Variants in FBXL17 observed in about 807,000 individuals in gnomAD.
FBXL17 encodes F-box/LRR-repeat protein 17.
In FBXL17, 22 loss-of-function variants were observed where a neutral mutation model predicts 66.2. The ratio of observed to expected loss-of-function variants is 0.33; its 90% CI spans 0.24 to 0.47. FBXL17 has a LOEUF of 0.47. Among genes scored for constraint, FBXL17 ranks in the 20% least tolerant of loss-of-function variants. FBXL17 has a pLI of 1.00. For missense variants in FBXL17, 878 were observed against 948.2 expected (o/e 0.93, Z 0.97); for synonymous variants, 474 against 400.5 (o/e 1.18, Z -2.19).
At chr5:108,365,757 TG>T (rs1192278090) in intron 2 of FBXL17, among the ~76,000 whole-genome samples, 1 of 152,092 alleles carries the variant, frequency 6.6e-6, no homozygotes, top group Non-Finnish European at 1.5e-5. Flanking sequence ...GTGATACCTC[TG>T]GGAGTTAGTT....
At chr5:108,310,593 CAAT>C (rs1420960200) in intron 4 of FBXL17, among the ~76,000 whole-genome samples, 2 of 152,032 alleles carry the variant, frequency 1.3e-5, no homozygotes, top group Non-Finnish European at 2.9e-5. Flanking sequence ...ACTTATATAA[CAAT>C]TATTTTCAAT....
At chr5:108,139,994 AC>A (rs1191311768) in intron 6 of FBXL17, among the ~76,000 whole-genome samples, 3 of 152,122 alleles carry the variant, frequency 2.0e-5, no homozygotes, top group African/African-American at 7.2e-5. Context: ...GAAAGACTAA[AC>A]AAAGTGAAAC....
intron 7 of FBXL17, among the ~76,000 whole-genome samples, chr5:107,902,747 G>C (rs1212683514): frequency 6.6e-6 from 1 of 151,370 alleles, no homozygotes; most frequent in African/African-American, 2.4e-5. Flanking sequence ...TTCTTATTAT[G>C]GAAATTTAAA....
At chr5:107,878,778 T>G in intron 8 of FBXL17, 1 of 985,476 alleles carries the variant, frequency 1.0e-6, no homozygotes, top group African/African-American at 1.7e-5. Context: ...GGAACTGTCT[T>G]CCATCCTCAC....
At chr5:108,222,672 C>CTT (rs34291617) in intron 5 of FBXL17, among the ~76,000 whole-genome samples, 1,263 of 117,332 alleles carry the variant, frequency 0.011, 42 homozygotes, top group African/African-American at 0.025. Context: ...ACTATGGCAT[C>CTT]TTTTTTTTTT....
Position 108,113,362 on chromosome 5 carries a change from T to A in FBXL17, c.1745+72755A>T, listed in dbSNP as rs182746219. Among the ~76,000 whole-genome samples, 282 of 152,328 alleles carry A rather than the reference T, an allele frequency of 1.9e-3. 1 individual carries two copies. Among genetic ancestry groups the A allele is most frequent in the Middle Eastern group, 3.4e-3 (1 of 294 alleles). ...TAATATGCAAGAGAGATAGATGCTATGCTAAGCTTGCATTATGTGTATATA... is the reference window on the plus strand; with the variant it reads ...TAATATGCAAGAGAGATAGATGCTAAGCTAAGCTTGCATTATGTGTATATA... On this transcript the variant is annotated intron_variant, in intron 6 of 8. Transcript: ENST00000542267.
intron 6 of FBXL17, among the ~76,000 whole-genome samples, chr5:108,134,021 A>G (rs1751038279): frequency 6.6e-6 from 1 of 152,158 alleles, no homozygotes; most frequent in Non-Finnish European, 1.5e-5. Flanking sequence ...AAGGTTAAAC[A>G]TTGGCTGTCC....
At chr5:108,196,837 A>G (rs1580596771) in intron 5 of FBXL17, among the ~76,000 whole-genome samples, 2 of 152,332 alleles carry the variant, frequency 1.3e-5, no homozygotes, top group East Asian at 3.9e-4. Flanking sequence ...TCAGAACAAG[A>G]AGCATAATGA....
At chr5:108,163,920 G>A (rs368807778) in intron 6 of FBXL17, among the ~76,000 whole-genome samples, 1 of 152,056 alleles carries the variant, frequency 6.6e-6, no homozygotes, top group East Asian at 1.9e-4. Flanking sequence ...TTATCTTAAC[G>A]CAACATGCTA....
chr5:107,981,905 T>C (rs1752845900), intron 7 of FBXL17, among the ~76,000 whole-genome samples: 1 of 152,182 alleles, frequency 6.6e-6, no homozygotes, highest in Non-Finnish European at 1.5e-5. Flanking sequence ...TGCCTCCCTA[T>C]GGATAAAACC....
In FBXL17 at chr5:108,381,412, C is replaced by T; in HGVS notation, c.280G>A (p.Ala94Thr). Residue 94 changes from alanine to threonine, a missense_variant, in exon 1 of 9, where the codon GCC becomes ACC. Ala to Thr is a moderately conservative substitution (Grantham distance 58). Coordinates refer to ENST00000542267, the MANE Select transcript of FBXL17 (RefSeq NM_001163315.3). ...PPPRDGAYAA[A>T]SSSQHLARRY... ...CGCGCCAGGTGCTGAGAGGAGGAGGCGGCAGCGTAGGCCCCGTCCCGCGGC... is the reference window on the plus strand; with the variant it reads ...CGCGCCAGGTGCTGAGAGGAGGAGGTGGCAGCGTAGGCCCCGTCCCGCGGC... The T allele has an allele frequency of 2.3e-6, 3 of 1,324,226 alleles. No homozygotes were observed. The highest frequency in any genetic ancestry group is 1.5e-5 in the African/African-American group (1 of 64,722). 82.0% of individuals were successfully genotyped at this position (1,324,226 alleles called of 1,614,324 possible).
chr5:108,069,352 A>G (rs908245187), intron 6 of FBXL17, among the ~76,000 whole-genome samples: 8 of 152,328 alleles, frequency 5.3e-5, no homozygotes, highest in Admixed American at 2.0e-4. Flanking sequence ...TAGAATACAT[A>G]TTTTATTTTA....
At chr5:108,090,525 T>A (rs1176190653) in intron 6 of FBXL17, among the ~76,000 whole-genome samples, 1 of 152,166 alleles carries the variant, frequency 6.6e-6, no homozygotes, top group East Asian at 1.9e-4. Flanking sequence ...TTGCAGGCTA[T>A]ATGGTCTCTA....
intron 6 of FBXL17, among the ~76,000 whole-genome samples, chr5:108,075,728 C>T (rs915203658): frequency 5.9e-5 from 9 of 152,164 alleles, no homozygotes; most frequent in Middle Eastern, 3.2e-3. Context: ...CTGCCCGCCT[C>T]GGCCTCCCAA....
In FBXL17 at chr5:108,183,285, C is replaced by T. The variant is rs1481334694; in HGVS notation, c.1745+2832G>A. ...CAATCTCTTGACCTTGTGATCTGCC[C>T]GCCTCAGCCTCCCAAAGTGCTAGGC... On this transcript the variant is annotated intron_variant, in intron 6 of 8. Transcript: ENST00000542267. 5.3e-5 allele frequency among the ~76,000 whole-genome samples: 8 copies of T among 152,022 alleles called. No homozygotes were observed. In the East Asian group the frequency reaches 5.8e-4, roughly 11 times the overall value.
chr5:108,266,453 C>T (rs895295539), intron 4 of FBXL17, among the ~76,000 whole-genome samples: 3 of 152,126 alleles, frequency 2.0e-5, no homozygotes, highest in African/African-American at 7.2e-5. Flanking sequence ...ACACTACACA[C>T]CCTTAGTCAC....
intron 4 of FBXL17, among the ~76,000 whole-genome samples, chr5:108,337,620 G>A (rs764786001): frequency 9.0e-4 from 135 of 150,530 alleles, no homozygotes; most frequent in Admixed American, 1.6e-3. Context: ...GAGTATTTGC[G>A]AAAAATAATA....
Position 108,315,401 on chromosome 5 carries a change from C to T in FBXL17, c.1506+32998G>A, listed in dbSNP as rs182420511. 3.0e-4 allele frequency among the ~76,000 whole-genome samples: 45 copies of T among 150,978 alleles called. No homozygotes were observed. The South Asian group carries it at 5.0e-3, about 17-fold the overall frequency. On this transcript the variant is annotated intron_variant, in intron 4 of 8. Coordinates refer to ENST00000542267, the MANE Select transcript of FBXL17 (RefSeq NM_001163315.3). The stretch of plus-strand genomic sequence containing the variant: ...CGACAAGATGAAAATGTGTAATTTA[C>T]GGATAAATTTAGTGAAAGTGCAATC...
intron 4 of FBXL17, among the ~76,000 whole-genome samples, chr5:108,342,664 A>G (rs1375787591): frequency 2.0e-5 from 3 of 152,160 alleles, no homozygotes; most frequent in Admixed American, 1.3e-4. Context: ...TAGAATTTTG[A>G]CTTTGACACC....
Sources: gnomAD v4.1 joint callset for allele counts (sites outside exome capture counted in the v4.1 genomes callset) on GRCh38, gnomAD v4.1.1 for gene constraint, MANE v1.5 for transcripts, NCBI Gene and HGNC (gene_info 2026-07-23, HGNC 2026-07-21) for gene names.